ARHGAP33: variants seen among roughly 807,000 people sequenced by gnomAD.
ARHGAP33 encodes Rho GTPase activating protein 33.
A neutral mutation model predicts 126.2 loss-of-function variants in ARHGAP33; 57 were observed. The ratio of observed to expected loss-of-function variants is 0.45; its 90% CI spans 0.36 to 0.56. ARHGAP33 has a LOEUF of 0.56. ARHGAP33 is among the 20% of genes least tolerant of loss of function. ARHGAP33 has a pLI of 0.00. For missense variants in ARHGAP33, 1,500 were observed against 1,748.3 expected (o/e 0.86, Z 2.53); for synonymous variants, 711 against 755.0 (o/e 0.94, Z 0.95).
rs1599782149 is a variant in ARHGAP33, at chr19:35,781,084, G to GGGGCCCCCCCCC, written c.982+12_982+13insGGGCCCCCCCCC. On this transcript the variant is annotated intron_variant, in intron 11 of 20. Transcript: ENST00000007510. Reference sequence around the variant, plus strand: ...CTCAGGCCAGGATGGTGAGGCCGGGGCCCACCCACCCCACCCGTCACACCA... The same window carrying GGGGCCCCCCCCC: ...CTCAGGCCAGGATGGTGAGGCCGGGGGGGCCCCCCCCCCCCACCCACCCCACCCGTCACACCA... 8.1e-6 allele frequency: 13 copies of GGGGCCCCCCCCC among 1,607,524 alleles called. No homozygotes were observed. The highest frequency in any genetic ancestry group is 1.3e-5 in the African/African-American group (1 of 74,892).
At chr19:35,780,860 G>T in intron 10 of ARHGAP33, 44 bp downstream of exon 10, 2 of 1,613,110 alleles carry the variant, frequency 1.2e-6, no homozygotes, top group Non-Finnish European at 1.7e-6. Context: ...ACCCCACCAG[G>T]CCCCTGGCCA....
rs143479801 is a variant in ARHGAP33 at position 35,787,923 on chromosome 19, G to A, written c.3358G>A (p.Gly1120Ser). 4.0e-4 allele frequency: 619 copies of A among 1,557,912 alleles called. 2 individuals are homozygous for A. Among genetic ancestry groups the A allele is most frequent in the Non-Finnish European group, 5.0e-4 (582 of 1,160,698 alleles). ...MPPDRLNASY[G>S]MLGQSPPLHR... ...CCCCGACAGGCTCAATGCCTCCTAC[G>A]GCATGCTTGGCCAATCACCCCCACT... is the stretch of plus-strand genomic sequence containing the variant. The change falls in exon 21 of 21, where the codon GGC (glycine) becomes AGC (serine). Residue 1120 changes from glycine (G) to serine (S), a missense_variant. By Grantham distance (56) the Gly-to-Ser change is moderately conservative. This residue lies in a region of ARHGAP33 where 642 missense variants were observed against 634.0 expected (regional missense o/e 1.01). Transcript: ENST00000007510.
intron 12 of ARHGAP33, 54 bp downstream of exon 12, chr19:35,781,306 A>G: frequency 6.4e-7 from 1 of 1,555,852 alleles, no homozygotes; most frequent in Non-Finnish European, 8.9e-7. Context: ...CAGCACCTCC[A>G]CTCCAGCCCC....
chr19:35,777,850 C>G lies in ARHGAP33; in HGVS notation c.131C>G (p.Pro44Arg). The change falls in exon 3 of 21, where the codon CCG (proline) becomes CGG (arginine). Residue 44 changes from proline to arginine, a missense_variant. Pro to Arg is a moderately radical substitution (Grantham distance 103). Around this residue, in one of 6 missense-constraint regions of ARHGAP33, gnomAD observed 129 missense variants for 145.9 expected, o/e 0.88. Coordinates refer to ENST00000007510, the MANE Select transcript of ARHGAP33 (RefSeq NM_001366178.1). The part of the protein sequence containing the change: ...KRLSAPRGPF[P>R]RLADCAHFHY... Reference sequence around the variant, plus strand: ...CTCTCAGCTCCTCGAGGCCCCTTCCCGCGGCTGGCTGACTGCGCCCATTTC... The same window carrying G: ...CTCTCAGCTCCTCGAGGCCCCTTCCGGCGGCTGGCTGACTGCGCCCATTTC... 1 of 1,614,218 alleles carries G rather than the reference C, an allele frequency of 6.2e-7. No individual in the cohort carries two copies. The highest frequency in any genetic ancestry group is 1.1e-5 in the South Asian group (1 of 91,090).
intron 1 of ARHGAP33, among the ~76,000 whole-genome samples, chr19:35,776,241 C>A (rs187717869): frequency 2.6e-5 from 4 of 151,780 alleles, no homozygotes; most frequent in Non-Finnish European, 5.9e-5. Context: ...CCTTACTCCA[C>A]CCCAACAGGC....
At position 35,786,540 on chromosome 19, in the gene ARHGAP33, G is replaced by C; in HGVS notation, c.2070G>C (p.Glu690Asp). 1 of 1,536,114 alleles carries C rather than the reference G, an allele frequency of 6.5e-7. No homozygotes were observed. Among genetic ancestry groups the C allele is most frequent in the East Asian group, 2.4e-5 (1 of 40,906 alleles). ...CCTCCTCCGAGTCCTCCTCCTCTGA[G>C]TCCTCCTCTTCCTCCTCTGAGTCCT... is the stretch of plus-strand genomic sequence containing the variant. ...SSSSSESSSS[E>D]SSSSSSESSA... Residue 690 changes from glutamate (E) to aspartate (D), a missense_variant, in exon 20 of 21, where the codon GAG becomes GAC. Glu to Asp is a conservative substitution (Grantham distance 45). Around this residue, in one of 6 missense-constraint regions of ARHGAP33, gnomAD observed 300 missense variants for 291.1 expected, o/e 1.03. Transcript: ENST00000007510. The surrounding 1 kb of genome is among the most constrained non-coding windows in gnomAD (Gnocchi z 7.0).
At chr19:35,775,736 CGCCCCGCCCCCG>C (rs1056101177) in intron 1 of ARHGAP33, 72 bp downstream of exon 1, 2 of 1,410,000 alleles carry the variant, frequency 1.4e-6, no homozygotes, top group Non-Finnish European at 1.9e-6. Context: ...CCGCCCCGCG[CGCCCCGCCCCCG>C]GCCCCGCCCG....
chr19:35,779,117 G>C lies in ARHGAP33; in HGVS notation c.494G>C (p.Trp165Ser). 6.4e-7 allele frequency: 1 copy of C among 1,551,146 alleles called. No individual in the cohort carries two copies. The highest frequency in any genetic ancestry group is 8.7e-7 in the Non-Finnish European group (1 of 1,146,612). ...SNLNCGPVLTWMELDNHGRRL... is the reference protein window; with the variant it reads ...SNLNCGPVLTSMELDNHGRRL... ...CTCAACTGCGGGCCTGTGCTCACCT[G>C]GATGGAGGTGGGCCTGGGCAGGGGG... is the stretch of plus-strand genomic sequence containing the variant. Residue 165 changes from tryptophan to serine, a missense_variant, in exon 6 of 21, where the codon TGG becomes TCG. Coordinates refer to ENST00000007510, the MANE Select transcript of ARHGAP33 (RefSeq NM_001366178.1).
At chr19:35,777,338 G>A (rs1251956849) in intron 1 of ARHGAP33, among the ~76,000 whole-genome samples, 2 of 152,156 alleles carry the variant, frequency 1.3e-5, no homozygotes, top group African/African-American at 4.8e-5. Context: ...AGTGGTAGGA[G>A]ATCACTGTAC....
chr19:35,784,468 C>T (rs1971984502), intron 16 of ARHGAP33, 151 bp downstream of exon 16: 1 of 1,375,614 alleles, frequency 7.3e-7, no homozygotes, highest in South Asian at 1.7e-5. Context: ...CCTCTCCCTC[C>T]CCGCGCCCCC....
In ARHGAP33 at chr19:35,778,609, G is replaced by A. The variant is rs1333942342; in HGVS notation, c.408+8G>A. Reference sequence around the variant, plus strand: ...GGTGCCAGGGCTGCCCAGGTAACCTGCTTGTTGTCTCAGCCCCTGCCTCAT... The same window carrying A: ...GGTGCCAGGGCTGCCCAGGTAACCTACTTGTTGTCTCAGCCCCTGCCTCAT... On this transcript the variant is annotated splice_region_variant and intron_variant, in intron 5 of 20. Coordinates refer to ENST00000007510, the MANE Select transcript of ARHGAP33 (RefSeq NM_001366178.1). The A allele has an allele frequency of 4.3e-6, 7 of 1,611,502 alleles. No homozygotes were observed. The highest frequency in any genetic ancestry group is 5.1e-6 in the Non-Finnish European group (6 of 1,178,984).
At chr19:35,785,556 G>A in intron 19 of ARHGAP33, 73 bp downstream of exon 19, 2 of 1,596,880 alleles carry the variant, frequency 1.3e-6, no homozygotes, top group Non-Finnish European at 1.7e-6. Context: ...GCCCTGGTTT[G>A]GCCTCCAAAT....
Position 35,777,837 on chromosome 19 carries a change from C to T in ARHGAP33, c.118C>T (p.Arg40Ter), listed in dbSNP as rs1367199895. ...GKPGKRLSAP[R>*]GPFPRLADCA... ...CCTGTCTCCCAGGCTCTCAGCTCCT[C>T]GAGGCCCCTTCCCGCGGCTGGCTGA... The change falls in exon 3 of 21, where the codon CGA becomes TGA. Residue 40 changes from arginine to a stop codon, truncating the protein, a stop_gained. Coordinates refer to ENST00000007510, the MANE Select transcript of ARHGAP33 (RefSeq NM_001366178.1). LOFTEE classifies it high-confidence loss of function. The T allele has an allele frequency of 2.5e-6, 4 of 1,614,076 alleles. No individual in the cohort carries two copies. The highest frequency in any genetic ancestry group is 2.7e-5 in the African/African-American group (2 of 74,924).
intron 1 of ARHGAP33, among the ~76,000 whole-genome samples, chr19:35,777,109 T>C (rs1046374648): frequency 1.3e-5 from 2 of 151,976 alleles, no homozygotes; most frequent in African/African-American, 4.8e-5. Context: ...ACTGGAGAGG[T>C]AAACAGAAAT....
rs1471971807 is a variant in ARHGAP33 at position 35,784,156 on chromosome 19, C to T, written c.1422-16C>T. 2.5e-6 allele frequency: 4 copies of T among 1,603,234 alleles called. No homozygotes were observed. Among genetic ancestry groups the T allele is most frequent in the African/African-American group, 1.3e-5 (1 of 74,402 alleles). ...GGCTCAAGGCACCCAGCCTCCCTCC[C>T]GCTCCTCCCACCCAGGTCCATGGAG... On this transcript the variant is annotated splice_polypyrimidine_tract_variant and intron_variant, in intron 15 of 20. Coordinates refer to ENST00000007510, the MANE Select transcript of ARHGAP33 (RefSeq NM_001366178.1).
rs1972121816 is a variant in ARHGAP33, at chr19:35,786,579, G to A, written c.2109G>A (p.Leu703=). Reference sequence around the variant, plus strand: ...CCTCTGAGTCCTCAGCAGCTGGGCTGGGGGCACTCTCTGGGTCTCCCTCAC... The same window carrying A: ...CCTCTGAGTCCTCAGCAGCTGGGCTAGGGGCACTCTCTGGGTCTCCCTCAC... ...SSSSESSAAG[L]GALSGSPSHR... is the part of the protein sequence containing the mutation. The change falls in exon 20 of 21, where the codon CTG becomes CTA. Residue 703 remains leucine, a synonymous_variant. Coordinates refer to ENST00000007510, the MANE Select transcript of ARHGAP33 (RefSeq NM_001366178.1). This position sits in a 1 kb window ranked among gnomAD's most constrained non-coding sequence, Gnocchi z 7.0. The A allele has an allele frequency of 2.6e-6, 4 of 1,536,040 alleles. No homozygotes were observed. The highest frequency in any genetic ancestry group is 3.5e-6 in the Non-Finnish European group (4 of 1,146,828).
chr19:35,787,299 G>T lies in ARHGAP33; in HGVS notation c.2734G>T (p.Ala912Ser). The T allele has an allele frequency of 6.2e-7, 1 of 1,612,590 alleles. No individual in the cohort carries two copies. The highest frequency in any genetic ancestry group is 8.5e-7 in the Non-Finnish European group (1 of 1,179,540). ...LALAERAQQV[A>S]EQQSQQECGG... is the part of the protein sequence containing the mutation. ...CCTGGCTGAGCGGGCTCAGCAGGTG[G>T]CCGAGCAACAGAGCCAGCAGGAGTG... The change falls in exon 21 of 21, where the codon GCC becomes TCC. Residue 912 changes from alanine to serine, a missense_variant. This residue lies in a region of ARHGAP33 where 642 missense variants were observed against 634.0 expected (regional missense o/e 1.01). Coordinates refer to ENST00000007510, the MANE Select transcript of ARHGAP33 (RefSeq NM_001366178.1).
chr19:35,785,961 C>T (rs1371379168), intron 19 of ARHGAP33: 2 of 1,080,464 alleles, frequency 1.9e-6, no homozygotes, highest in Non-Finnish European at 2.2e-6. Context: ...GAAAGGGATG[C>T]CGCACTGTAT....
At position 35,785,002 on chromosome 19, in the gene ARHGAP33, C is replaced by T. The variant is rs1263054377; in HGVS notation, c.1617C>T (p.Ser539=). The T allele has an allele frequency of 6.5e-7, 1 of 1,547,936 alleles. No homozygotes were observed. Among genetic ancestry groups the T allele is most frequent in the Admixed American group, 2.0e-5 (1 of 51,072 alleles). ...AGTCCCTTGCGGGCAGCTGCCCCTCCACCCGCCTGCTGACGCTGGAGGAAG... is the reference window on the plus strand; with the variant it reads ...AGTCCCTTGCGGGCAGCTGCCCCTCTACCCGCCTGCTGACGCTGGAGGAAG... ...RPKSLAGSCP[S]TRLLTLEEAQ... Residue 539 remains serine, a synonymous_variant, in exon 17 of 21, where the codon TCC becomes TCT. Coordinates refer to ENST00000007510, the MANE Select transcript of ARHGAP33 (RefSeq NM_001366178.1).
Sources: gnomAD v4.1 joint callset for allele counts (sites outside exome capture counted in the v4.1 genomes callset) on GRCh38, gnomAD v4.1.1 for gene constraint, gnomAD v4.1.1 regional missense constraint, Gnocchi (gnomAD v3.1) non-coding constraint, MANE v1.5 for transcripts, NCBI Gene and HGNC (gene_info 2026-07-23, HGNC 2026-07-21) for gene names.